TMEM255A: variants seen among roughly 807,000 people sequenced by gnomAD.
TMEM255A encodes transmembrane protein 255A, also known as family with sequence similarity 70, member A.
Under a neutral mutation model 23.5 loss-of-function variants are expected in TMEM255A, and 14 were observed. That is an observed-to-expected ratio of 0.60 (90% CI 0.39 to 0.93). TMEM255A has a LOEUF of 0.93. TMEM255A is among the 40% of genes least tolerant of loss of function. The pLI, the probability that TMEM255A is intolerant of heterozygous loss-of-function variation, is 0.00. For synonymous variants in TMEM255A, 104 were observed against 100.3 expected (o/e 1.04, Z -0.22); for missense variants, 233 against 261.7 (o/e 0.89, Z 0.76).
At chrX:120,283,115 C>A (rs1465374909) in intron 6 of TMEM255A, among the ~76,000 whole-genome samples, 1 of 110,562 alleles carries the variant, frequency 9.0e-6, no homozygotes, top group South Asian at 3.9e-4. Context: ...GTAAAATAAC[C>A]CCAATTCCCC....
At chrX:120,296,714 A>T (rs1470397110) in intron 2 of TMEM255A, among the ~76,000 whole-genome samples, 1 of 47,187 alleles carries the variant, frequency 2.1e-5, no homozygotes, top group Non-Finnish European at 3.5e-5. Context: ...TAGGTAAATA[A>T]ATTTAATATA....
intron 7 of TMEM255A, among the ~76,000 whole-genome samples, chrX:120,271,194 T>G (rs2057758161): frequency 8.9e-6 from 1 of 112,140 alleles, no homozygotes; most frequent in Non-Finnish European, 1.9e-5. Flanking sequence ...TTAAATCAAC[T>G]AAACAAAGGA....
intron 7 of TMEM255A, among the ~76,000 whole-genome samples, chrX:120,269,915 C>T (rs1251531843): frequency 3.6e-5 from 4 of 112,247 alleles, no homozygotes; most frequent in African/African-American, 9.7e-5. Flanking sequence ...TAAATTAAGC[C>T]TAACTGTGGA....
chrX:120,291,945 A>G (rs1181439174), intron 3 of TMEM255A, among the ~76,000 whole-genome samples: 2 of 111,179 alleles, frequency 1.8e-5, no homozygotes, highest in Admixed American at 1.9e-4. Flanking sequence ...TAAGACTTAC[A>G]TGTCAAGGAC....
chrX:120,296,754 TATATTA>T (rs2057964498), intron 2 of TMEM255A, among the ~76,000 whole-genome samples: 6 of 16,572 alleles, frequency 3.6e-4, no homozygotes, highest in African/African-American at 1.7e-3. Context: ...TATTATATTA[TATATTA>T]TATATATTAA....
downstream of TMEM255A, chrX:120,257,080 CA>C (rs373167622): frequency 8.2e-6 from 1 of 122,173 alleles, no homozygotes; most frequent in African/African-American, 3.3e-5. Flanking sequence ...TGCAATAATA[CA>C]AGAAAAAAAA....
intron 4 of TMEM255A, among the ~76,000 whole-genome samples, chrX:120,288,518 T>C (rs2057892543): frequency 8.9e-6 from 1 of 112,320 alleles, no homozygotes; most frequent in Admixed American, 9.4e-5. Flanking sequence ...TCTCACCTCC[T>C]GGTTTTGCAA....
At chrX:120,302,855 G>C (rs782624923) in intron 2 of TMEM255A, among the ~76,000 whole-genome samples, 1 of 110,535 alleles carries the variant, frequency 9.0e-6, no homozygotes, top group African/African-American at 3.3e-5. Flanking sequence ...CTTGTCCAAG[G>C]CATCATCTTT....
intron 8 of TMEM255A, 123 bp downstream of exon 8, chrX:120,268,121 T>C: frequency 1.2e-6 from 1 of 812,156 alleles, no homozygotes; most frequent in Non-Finnish European, 1.7e-6. Context: ...ATTAGGGAGA[T>C]GCATGGCTAC....
chrX:120,285,493 C>G lies in TMEM255A; in HGVS notation c.424-278G>C, dbSNP rs1227046912. 9 of 897,131 alleles carry G rather than the reference C, an allele frequency of 1.0e-5. No homozygotes were observed. In the African/African-American group the frequency reaches 1.2e-4, roughly 12 times the overall value. The allele number at this position is 897,131 out of a possible 1,213,427, so 73.9% of individuals were successfully genotyped here. On this transcript the variant is annotated intron_variant, in intron 5 of 8. Coordinates refer to ENST00000371369, the MANE Select transcript of TMEM255A (RefSeq NM_001104544.3). ...AGAGAAGGAAGGACAGATGGAAGGA[C>G]AGACGGAAGAACAAATGGACTGAAG...
At chrX:120,253,340 G>A in the TMEM255A span, 1 of 958,652 alleles carries the variant, frequency 1.0e-6, no homozygotes, top group Non-Finnish European at 1.4e-6. Context: ...TGATGCTACT[G>A]CTTAAATTCT....
chrX:120,262,167 G>A (rs1011258184), intron 8 of TMEM255A, among the ~76,000 whole-genome samples: 1 of 110,684 alleles, frequency 9.0e-6, no homozygotes, highest in Admixed American at 9.6e-5. Context: ...GTGGGTGCCC[G>A]TAATCCCGGC....
At position 120,291,255 on chromosome X, in the gene TMEM255A, T is replaced by C. The variant is rs1556022868; in HGVS notation, c.350A>G (p.His117Arg). The change falls in exon 4 of 9, where the codon CAC (histidine) becomes CGC (arginine). Residue 117 changes from histidine (H) to arginine (R), a missense_variant. Coordinates refer to ENST00000371369, the MANE Select transcript of TMEM255A (RefSeq NM_001104544.3). ...AIVDGVFAAR[H>R]IDLKPLYANR... ...TCAGGACGAAAAAATACTCACAATG[T>C]GTCTGGCAGCAAAGACCCCGTCAAC... 2 of 1,205,995 alleles carry C rather than the reference T, an allele frequency of 1.7e-6. No homozygotes were observed. Among genetic ancestry groups the C allele is most frequent in the Admixed American group, 2.2e-5 (1 of 45,733 alleles).
At chrX:120,309,703 G>T (rs782302029) in intron 1 of TMEM255A, among the ~76,000 whole-genome samples, 1 of 111,054 alleles carries the variant, frequency 9.0e-6, no homozygotes, top group South Asian at 3.9e-4. Flanking sequence ...TCTCGCTGTC[G>T]CTCTCTCTCG....
At position 120,295,631 on chromosome X, in the gene TMEM255A, T is replaced by C. The variant is rs370288130; in HGVS notation, c.202-1580A>G. ...AATTAAAATATGTTGCCATAAAATA[T>C]ACTGATTAAAACTTAGTTATCACAC... On this transcript the variant is annotated intron_variant, in intron 2 of 8. Coordinates refer to ENST00000371369, the MANE Select transcript of TMEM255A (RefSeq NM_001104544.3). Among the ~76,000 whole-genome samples the C allele has an allele frequency of 6.2e-5, 7 of 112,144 alleles. 1 individual carries two copies. In the East Asian group the frequency reaches 1.4e-3, roughly 22 times the overall value.
chrX:120,254,016 A>G, downstream of TMEM255A: 1 of 1,208,718 alleles, frequency 8.3e-7, no homozygotes, highest in Non-Finnish European at 1.1e-6. Context: ...TTGCTCCGAG[A>G]TTCTGCCCAC....
At chrX:120,308,513 C>T (rs975450185) in intron 1 of TMEM255A, among the ~76,000 whole-genome samples, 1 of 111,560 alleles carries the variant, frequency 9.0e-6, no homozygotes, top group Admixed American at 9.4e-5. Context: ...GGTGGGTCCC[C>T]GGATATCCCA....
intron 2 of TMEM255A, among the ~76,000 whole-genome samples, chrX:120,303,970 C>A (rs1316019368): frequency 1.8e-5 from 2 of 111,147 alleles, no homozygotes; most frequent in African/African-American, 6.6e-5. Context: ...GTCAAGCTGC[C>A]AGGATCCTCA....
chrX:120,259,111 T>G lies in TMEM255A; in HGVS notation c.*1759A>C, dbSNP rs1163380921. On this transcript the variant is annotated 3_prime_UTR_variant, in exon 9 of 9. Coordinates refer to ENST00000371369, the MANE Select transcript of TMEM255A (RefSeq NM_001104544.3). ...ACTGTGTAATGGTGCCTTAAAAAAT[T>G]AAATATGGACATTCACTAAAGCCAA... The G allele has an allele frequency of 8.9e-6, 1 of 112,513 alleles. No homozygotes were observed. The highest frequency in any genetic ancestry group is 3.2e-5 in the African/African-American group (1 of 30,920). The allele number at this position is 112,513 out of a possible 1,213,427, so 9.3% of individuals were successfully genotyped here. A position where few individuals can be genotyped will look rare whatever the true frequency, so the allele number is the denominator to read the frequency against.
Sources: gnomAD v4.1 joint callset for allele counts (sites outside exome capture counted in the v4.1 genomes callset) on GRCh38, gnomAD v4.1.1 for gene constraint, MANE v1.5 for transcripts, NCBI Gene and HGNC (gene_info 2026-07-23, HGNC 2026-07-21) for gene names.